The following NRG3 variants were observed in gnomAD, a reference collection of about 807,000 sequenced individuals.
NRG3 encodes neuregulin 3, also known as pro-neuregulin-3, membrane-bound isoform.
NRG3 carries 31 observed loss-of-function variants against 66.9 expected under a neutral mutation model. That is an observed-to-expected ratio of 0.46 (90% CI 0.35 to 0.63). The LOEUF is 0.63. Among genes scored for constraint, NRG3 ranks in the 20% least tolerant of loss-of-function variants. The probability of loss-of-function intolerance (pLI) is 0.00; values close to 1 mark genes in which losing one functional copy is unlikely to be tolerated. For missense variants in NRG3, 910 were observed against 878.9 expected, an observed-to-expected ratio of 1.04 and a Z score of -0.45; for synonymous variants, 393 against 359.4, an observed-to-expected ratio of 1.09 and a Z score of -1.06.
At chr10:82,516,180 A>G (rs1457958845) in intron 2 of NRG3, among the ~76,000 whole-genome samples, 2 of 151,752 alleles carry the variant, frequency 1.3e-5, no homozygotes, top group African/African-American at 4.8e-5. Context: ...ATGTGCATGC[A>G]CCTGAGTTAG....
At chr10:82,519,611 G>A (rs1846007015) in intron 2 of NRG3, among the ~76,000 whole-genome samples, 2 of 152,084 alleles carry the variant, frequency 1.3e-5, no homozygotes, top group African/African-American at 4.8e-5. Flanking sequence ...TCTCTTCTGG[G>A]CTCTGTTTTG....
intron 1 of NRG3, among the ~76,000 whole-genome samples, chr10:81,910,779 G>A (rs1845062046): frequency 6.6e-6 from 1 of 152,076 alleles, no homozygotes; most frequent in African/African-American, 2.4e-5. Context: ...TGTCTCCTGA[G>A]TAGCTGGGAC....
At chr10:82,953,112 T>C (rs1237042358) in intron 5 of NRG3, among the ~76,000 whole-genome samples, 3 of 151,918 alleles carry the variant, frequency 2.0e-5, no homozygotes, top group Admixed American at 1.3e-4. Context: ...ATCCTTACCA[T>C]ATGATATTAG....
chr10:82,793,941 TTC>T (rs1354137306), intron 3 of NRG3, among the ~76,000 whole-genome samples: 3 of 152,136 alleles, frequency 2.0e-5, no homozygotes, highest in Non-Finnish European at 4.4e-5. Flanking sequence ...GTCTACCAAA[TTC>T]TCTTTCACTT....
chr10:82,258,425 G>A, intron 1 of NRG3, among the ~76,000 whole-genome samples: 1 of 152,094 alleles, frequency 6.6e-6, no homozygotes, highest in Non-Finnish European at 1.5e-5. Context: ...TGTGTATGCT[G>A]TATACTAAGT....
intron 3 of NRG3, among the ~76,000 whole-genome samples, chr10:82,751,630 T>C (rs530806370): frequency 1.3e-5 from 2 of 152,270 alleles, no homozygotes; most frequent in East Asian, 3.9e-4. Context: ...TGCACAAAAG[T>C]TCTGTCATTT....
At chr10:82,007,901 TA>T (rs996123647) in intron 1 of NRG3, among the ~76,000 whole-genome samples, 7 of 152,234 alleles carry the variant, frequency 4.6e-5, no homozygotes, top group African/African-American at 1.7e-4. Context: ...CCCAGTGCAT[TA>T]AAAAAATTAA....
chr10:82,907,945 A>G (rs1591912868), intron 4 of NRG3, among the ~76,000 whole-genome samples: 1 of 152,338 alleles, frequency 6.6e-6, no homozygotes, highest in African/African-American at 2.4e-5. Context: ...CTGACTTATG[A>G]AACTTACTAG....
In NRG3 at chr10:82,362,125, C is replaced by T. The variant is rs530351456; in HGVS notation, c.953+3257C>T. Reference sequence around the variant, plus strand: ...AAAAAAAAAAGGACAATAATAATCCCAGAAAAGGGAGGAGTTGAAAGTGGG... The same window carrying T: ...AAAAAAAAAAGGACAATAATAATCCTAGAAAAGGGAGGAGTTGAAAGTGGG... On this transcript the variant is annotated intron_variant, in intron 2 of 8. Transcript: ENST00000372141. 3.4e-4 allele frequency among the ~76,000 whole-genome samples: 38 copies of T among 110,764 alleles called. 1 individual carries two copies. The South Asian group carries it at 5.4e-3, about 16-fold the overall frequency. 72.7% of individuals were successfully genotyped at this position (110,764 alleles called of 152,430 possible). A position where few individuals can be genotyped will look rare whatever the true frequency, so the allele number is the denominator to read the frequency against.
chr10:82,963,191 G>C (rs960883433), intron 6 of NRG3, among the ~76,000 whole-genome samples: 2 of 152,132 alleles, frequency 1.3e-5, no homozygotes, highest in African/African-American at 2.4e-5. Flanking sequence ...TGAGTTGTTG[G>C]CCTAAAGGAA....
chr10:82,479,474 G>C (rs374726033), intron 2 of NRG3, among the ~76,000 whole-genome samples: 1 of 147,530 alleles, frequency 6.8e-6, no homozygotes, highest in East Asian at 2.0e-4. Context: ...AGAGGTGGGC[G>C]GATCACCTGA....
At chr10:82,038,769 C>T (rs2062905113) in intron 1 of NRG3, among the ~76,000 whole-genome samples, 1 of 152,088 alleles carries the variant, frequency 6.6e-6, no homozygotes. Context: ...TTGGCTTCTT[C>T]CCTGCAGCTT....
intron 3 of NRG3, among the ~76,000 whole-genome samples, chr10:82,762,800 A>T (rs1476903230): frequency 6.6e-6 from 1 of 152,164 alleles, no homozygotes; most frequent in African/African-American, 2.4e-5. Context: ...CACGCATAGT[A>T]TGCTGTGGTT....
At chr10:81,877,986 T>C (rs909559373) in intron 1 of NRG3, 5 of 1,537,588 alleles carry the variant, frequency 3.3e-6, no homozygotes, top group Admixed American at 3.9e-5. Context: ...CCTCCAACCC[T>C]TGTATGCGTT....
chr10:82,980,194 G>A (rs576388814), intron 8 of NRG3, among the ~76,000 whole-genome samples: 4 of 142,678 alleles, frequency 2.8e-5, no homozygotes, highest in Admixed American at 1.5e-4. Context: ...GACAGAGTGA[G>A]ACCCTATCTC....
chr10:82,169,453 T>G (rs528517202), intron 1 of NRG3, among the ~76,000 whole-genome samples: 120 of 151,770 alleles, frequency 7.9e-4, no homozygotes, highest in Non-Finnish European at 1.4e-3. Flanking sequence ...TATCTTTTGT[T>G]TTTCACTTCC....
intron 1 of NRG3, among the ~76,000 whole-genome samples, chr10:82,013,503 A>G (rs552267539): frequency 3.9e-5 from 6 of 152,208 alleles, no homozygotes; most frequent in African/African-American, 1.2e-4. Context: ...GGTATTGGCA[A>G]TTTTTATTTT....
At chr10:81,976,668 CCCAAATGAAGAAATG>C (rs2060135272) in intron 1 of NRG3, among the ~76,000 whole-genome samples, 3 of 152,120 alleles carry the variant, frequency 2.0e-5, no homozygotes, top group African/African-American at 7.2e-5. Flanking sequence ...TAAACTGTCA[CCCAAATGAAGAAATG>C]CCACATTTAT....
intron 1 of NRG3, among the ~76,000 whole-genome samples, chr10:81,887,041 G>C (rs1842663804): frequency 6.6e-6 from 1 of 151,974 alleles, no homozygotes. Context: ...TTATACTTTT[G>C]AAAAATGTAA....
Sources: gnomAD v4.1 joint callset for allele counts (sites outside exome capture counted in the v4.1 genomes callset) on GRCh38, gnomAD v4.1.1 for gene constraint, MANE v1.5 for transcripts, NCBI Gene and HGNC (gene_info 2026-07-23, HGNC 2026-07-21) for gene names.